AP3B1: variants seen among roughly 807,000 people sequenced by gnomAD.
AP3B1 encodes adaptor related protein complex 3 subunit beta 1.
In AP3B1, 61 loss-of-function variants were observed where a neutral mutation model predicts 132.5. That is an observed-to-expected ratio of 0.46 (90% CI 0.37 to 0.57). AP3B1 has a LOEUF of 0.57. Ranked by LOEUF, AP3B1 falls within the 20% of genes least tolerant of loss-of-function variation. The pLI is 0.00. For synonymous variants in AP3B1, 388 were observed against 438.3 expected, an observed-to-expected ratio of 0.89 and a Z score of 1.43; for missense variants, 1,120 against 1,289.4, an observed-to-expected ratio of 0.87 and a Z score of 2.01.
chr5:78,117,321 T>A (rs1426978128), intron 17 of AP3B1, among the ~76,000 whole-genome samples: 1 of 151,856 alleles, frequency 6.6e-6, no homozygotes, highest in Non-Finnish European at 1.5e-5. Flanking sequence ...AATTTTTTTT[T>A]TTTTTTGAGA....
At chr5:78,218,518 G>A (rs915932002) in intron 6 of AP3B1, among the ~76,000 whole-genome samples, 1 of 151,910 alleles carries the variant, frequency 6.6e-6, no homozygotes, top group African/African-American at 2.4e-5. Flanking sequence ...CATTAGCTGT[G>A]CTCCAAGGTA....
intron 7 of AP3B1, among the ~76,000 whole-genome samples, chr5:78,198,785 T>C (rs564584469): frequency 7.0e-4 from 106 of 152,278 alleles, no homozygotes; most frequent in Non-Finnish European, 1.4e-3. Flanking sequence ...TGGTAACTAA[T>C]ATAATAATCA....
intron 11 of AP3B1, among the ~76,000 whole-genome samples, chr5:78,169,549 C>T (rs1208368401): frequency 6.6e-5 from 10 of 152,112 alleles, no homozygotes; most frequent in African/African-American, 2.4e-4. Context: ...CCACCTCAGC[C>T]TCCCAAGTAG....
chr5:78,165,327 C>CA (rs1156488564), intron 12 of AP3B1, among the ~76,000 whole-genome samples: 1 of 151,920 alleles, frequency 6.6e-6, no homozygotes, highest in Non-Finnish European at 1.5e-5. Context: ...GCTGGCAGCA[C>CA]AAAAAGATGA....
chr5:78,025,423 A>G (rs2112075512), intron 24 of AP3B1, among the ~76,000 whole-genome samples: 1 of 152,286 alleles, frequency 6.6e-6, no homozygotes, highest in East Asian at 1.9e-4. Context: ...CGCAACAAGC[A>G]AGGCGTTAGA....
chr5:78,273,573 TAC>T, intron 1 of AP3B1, among the ~76,000 whole-genome samples: 1 of 152,044 alleles, frequency 6.6e-6, no homozygotes, highest in East Asian at 1.9e-4. Context: ...AGGACAAAAT[TAC>T]AGAGGAGGGA....
intron 2 of AP3B1, among the ~76,000 whole-genome samples, chr5:78,266,377 A>AC (rs1419401883): frequency 6.6e-6 from 1 of 152,194 alleles, no homozygotes. Flanking sequence ...AAATGACATA[A>AC]ACATGAAAGC....
At chr5:78,250,411 T>A (rs1307890018) in intron 2 of AP3B1, among the ~76,000 whole-genome samples, 1 of 152,176 alleles carries the variant, frequency 6.6e-6, no homozygotes, top group East Asian at 1.9e-4. Flanking sequence ...TATCTGTTTG[T>A]CCCACTCTAT....
chr5:78,059,489 T>C (rs1748951988), intron 22 of AP3B1, among the ~76,000 whole-genome samples: 1 of 152,176 alleles, frequency 6.6e-6, no homozygotes. Context: ...ATCTTCAGAG[T>C]TTATAGTATA....
At chr5:78,192,302 G>A (rs1346224961) in intron 7 of AP3B1, among the ~76,000 whole-genome samples, 1 of 152,018 alleles carries the variant, frequency 6.6e-6, no homozygotes, top group Non-Finnish European at 1.5e-5. Context: ...AATTTTAAGT[G>A]AACTATATTA....
intron 22 of AP3B1, among the ~76,000 whole-genome samples, chr5:78,065,837 G>T (rs1489364603): frequency 1.3e-5 from 2 of 152,130 alleles, no homozygotes; most frequent in African/African-American, 2.4e-5. Context: ...CCTTAAGCAG[G>T]TCCCTGATCC....
intron 3 of AP3B1, among the ~76,000 whole-genome samples, chr5:78,229,919 C>A (rs949679699): frequency 6.6e-6 from 1 of 151,994 alleles, no homozygotes; most frequent in Non-Finnish European, 1.5e-5. Context: ...CTGTCATGAC[C>A]TTCCTTCCTT....
intron 21 of AP3B1, among the ~76,000 whole-genome samples, chr5:78,097,291 G>C (rs1436373986): frequency 7.6e-6 from 1 of 131,892 alleles, no homozygotes; most frequent in African/African-American, 2.9e-5. Context: ...AGGTGGGGGG[G>C]TCAGCCCCCC....
intron 1 of AP3B1, among the ~76,000 whole-genome samples, chr5:78,268,429 T>C (rs1312843263): frequency 6.6e-6 from 1 of 152,078 alleles, no homozygotes; most frequent in Non-Finnish European, 1.5e-5. Context: ...CGATAGGAAC[T>C]AAATAGAAAG....
At chr5:78,194,901 T>A (rs553280877) in intron 7 of AP3B1, among the ~76,000 whole-genome samples, 40 of 152,268 alleles carry the variant, frequency 2.6e-4, no homozygotes, top group African/African-American at 8.9e-4. Context: ...GTCTCTAAAA[T>A]ATATGTGATA....
chr5:78,114,085 T>A (rs753641414), intron 18 of AP3B1, among the ~76,000 whole-genome samples, 162 bp from the exon 19 acceptor site: 1 of 152,178 alleles, frequency 6.6e-6, no homozygotes, highest in Non-Finnish European at 1.5e-5. Flanking sequence ...TTCTTTCAGC[T>A]CTATGGATTC....
At chr5:78,252,803 T>C (rs761452418) in intron 2 of AP3B1, among the ~76,000 whole-genome samples, 84 of 152,162 alleles carry the variant, frequency 5.5e-4, no homozygotes, top group Admixed American at 3.3e-4. Context: ...CTGGGGGAGC[T>C]CGCCACCCTT....
Position 78,120,388 on chromosome 5 carries a change from A to G in AP3B1, c.1969-4154T>C, listed in dbSNP as rs1218497357. On this transcript the variant is annotated intron_variant, in intron 17 of 26. Coordinates refer to ENST00000255194, the MANE Select transcript of AP3B1 (RefSeq NM_003664.5). ...GGGCTAAATGCTCCAATTAAAAGACACAGACTGGCAAATTGGATAAAGAGT... is the reference window on the plus strand; with the variant it reads ...GGGCTAAATGCTCCAATTAAAAGACGCAGACTGGCAAATTGGATAAAGAGT... Among the ~76,000 whole-genome samples, 34 of 152,372 alleles carry G rather than the reference A, an allele frequency of 2.2e-4. 1 individual carries two copies. Among genetic ancestry groups the G allele is most frequent in the African/African-American group, 8.2e-4 (34 of 41,584 alleles).
intron 3 of AP3B1, among the ~76,000 whole-genome samples, chr5:78,230,981 G>A (rs1746624351): frequency 1.3e-5 from 2 of 151,788 alleles, no homozygotes; most frequent in South Asian, 2.1e-4. Context: ...TTAGCCAGGT[G>A]TATTGGCCCA....
Sources: gnomAD v4.1 joint callset for allele counts (sites outside exome capture counted in the v4.1 genomes callset) on GRCh38, gnomAD v4.1.1 for gene constraint, MANE v1.5 for transcripts, NCBI Gene and HGNC (gene_info 2026-07-23, HGNC 2026-07-21) for gene names.